PABPC4L: variants seen among roughly 807,000 people sequenced by gnomAD.
PABPC4L encodes the protein polyadenylate-binding protein 4-like.
For synonymous variants in PABPC4L, 169 were observed against 164.1 expected (o/e 1.03, Z -0.23); for missense variants, 452 against 451.4 (o/e 1.00, Z -0.01).
chr4:134,191,181 G>T, the PABPC4L span, among the ~76,000 whole-genome samples: 1 of 152,106 alleles, frequency 6.6e-6, no homozygotes, highest in African/African-American at 2.4e-5. Context: ...AAACTAACGT[G>T]TTCTGCAGTT....
the PABPC4L span, among the ~76,000 whole-genome samples, chr4:134,078,742 C>A: frequency 6.6e-6 from 1 of 151,616 alleles, no homozygotes; most frequent in Non-Finnish European, 1.5e-5. Flanking sequence ...ACCTCCACCT[C>A]CCCGTGTTCA....
the PABPC4L span, among the ~76,000 whole-genome samples, chr4:133,963,158 A>C: frequency 4.6e-5 from 7 of 152,124 alleles, no homozygotes; most frequent in Admixed American, 1.3e-4. Flanking sequence ...GCATTTCACG[A>C]AAATGGACAC....
chr4:134,003,289 T>G, the PABPC4L span, among the ~76,000 whole-genome samples: 1 of 151,956 alleles, frequency 6.6e-6, no homozygotes, highest in African/African-American at 2.4e-5. Flanking sequence ...CACTTACATT[T>G]TTTCCAACTC....
chr4:134,037,403 A>G, the PABPC4L span, among the ~76,000 whole-genome samples: 3 of 152,052 alleles, frequency 2.0e-5, no homozygotes, highest in Non-Finnish European at 4.4e-5. Context: ...TTTATTTTGT[A>G]TTTCTATTGT....
chr4:134,070,480 G>A, the PABPC4L span, among the ~76,000 whole-genome samples: 35 of 152,228 alleles, frequency 2.3e-4, 1 homozygote, highest in East Asian at 3.9e-4. Flanking sequence ...ATGGCACAGC[G>A]GGGCATGGGG....
the PABPC4L span, among the ~76,000 whole-genome samples, chr4:134,182,026 A>G: frequency 1.2e-4 from 18 of 151,364 alleles, no homozygotes; most frequent in Admixed American, 3.3e-4. Context: ...AAATTAAAAA[A>G]CTCCCAAAGC....
At chr4:134,195,401 G>A (rs1364201017), downstream of PABPC4L, among the ~76,000 whole-genome samples, 1 of 151,572 alleles carries the variant, frequency 6.6e-6, no homozygotes, top group African/African-American at 2.4e-5. Context: ...GATACTGATT[G>A]TAAAAACAAA....
rs2125709653 is a variant in PABPC4L, at chr4:134,200,158, G to A, written c.862C>T (p.Arg288Cys). 2 of 1,551,600 alleles carry A rather than the reference G, an allele frequency of 1.3e-6. No individual in the cohort carries two copies. The highest frequency in any genetic ancestry group is 8.7e-7 in the Non-Finnish European group (1 of 1,146,956). Residue 288 changes from arginine (R) to cysteine (C), a missense_variant, in exon 2 of 2, where the codon CGT becomes TGT. Transcript: ENST00000421491. ...MFEQLKRERI[R>C]GCQGVKLYIK... ...TAGAGTTTTACCCCCTGGCACCCAC[G>A]AATTCGTTCCCTTTTCAGCTGCTCA...
chr4:134,047,441 G>T, the PABPC4L span, among the ~76,000 whole-genome samples: 7 of 152,136 alleles, frequency 4.6e-5, no homozygotes, highest in Non-Finnish European at 1.0e-4. Flanking sequence ...GTTTACATCT[G>T]AAATAAAATT....
At chr4:134,056,953 C>T in the PABPC4L span, among the ~76,000 whole-genome samples, 1 of 152,116 alleles carries the variant, frequency 6.6e-6, no homozygotes, top group South Asian at 2.1e-4. Context: ...ATATTCTTGT[C>T]TTGTTCTCAA....
the PABPC4L span, among the ~76,000 whole-genome samples, chr4:134,018,790 T>C: frequency 6.6e-6 from 1 of 152,092 alleles, no homozygotes; most frequent in Non-Finnish European, 1.5e-5. Flanking sequence ...ATATAATTAA[T>C]TGATGATTAT....
At position 134,200,314 on chromosome 4, in the gene PABPC4L, T is replaced by C. The variant is rs1729812506; in HGVS notation, c.706A>G (p.Ser236Gly). 1.3e-6 allele frequency: 2 copies of C among 1,592,750 alleles called. No individual in the cohort carries two copies. Among genetic ancestry groups the C allele is most frequent in the East Asian group, 2.3e-5 (1 of 43,974 alleles). The change falls in exon 2 of 2, where the codon AGT (serine) becomes GGT (glycine). Residue 236 changes from serine to glycine, a missense_variant. Physicochemically the swap from Ser to Gly is moderately conservative, Grantham distance 56. Coordinates refer to ENST00000421491, the MANE Select transcript of PABPC4L (RefSeq NM_001114734.2). The part of the protein sequence containing the change: ...SGKSKGFGFV[S>G]FDSHEAAKKA... ...TTGGCAGCCTCATGGCTATCAAAAC[T>C]CACAAAGCCAAAGCCTTTGGATTTC...
At chr4:134,172,279 A>G in the PABPC4L span, among the ~76,000 whole-genome samples, 4 of 152,310 alleles carry the variant, frequency 2.6e-5, 1 homozygote, top group Admixed American at 2.6e-4. Context: ...CTACAAGCCT[A>G]TGGTAACCAA....
the PABPC4L span, among the ~76,000 whole-genome samples, chr4:133,962,978 G>C: frequency 1.7e-4 from 26 of 152,114 alleles, no homozygotes; most frequent in East Asian, 1.2e-3. Context: ...TGAATGGAAT[G>C]GTACCACACA....
the PABPC4L span, among the ~76,000 whole-genome samples, chr4:133,976,112 C>T: frequency 6.6e-6 from 1 of 152,112 alleles, no homozygotes; most frequent in Non-Finnish European, 1.5e-5. Flanking sequence ...TCCCCTGCCA[C>T]CTTCCCCCAA....
chr4:134,041,634 A>G, the PABPC4L span, among the ~76,000 whole-genome samples: 2 of 151,974 alleles, frequency 1.3e-5, no homozygotes, highest in African/African-American at 4.8e-5. Flanking sequence ...TGATGAGTGT[A>G]GCAAACCACC....
At chr4:134,090,822 A>G in the PABPC4L span, among the ~76,000 whole-genome samples, 1 of 152,052 alleles carries the variant, frequency 6.6e-6, no homozygotes, top group South Asian at 2.1e-4. Context: ...AATAGTGAAT[A>G]GTGATTAGAT....
chr4:133,968,566 G>A, the PABPC4L span, among the ~76,000 whole-genome samples: 1 of 152,050 alleles, frequency 6.6e-6, no homozygotes, highest in African/African-American at 2.4e-5. Context: ...ATCTTTGAAG[G>A]GGCTTAAAGT....
chr4:133,969,046 C>T, the PABPC4L span, among the ~76,000 whole-genome samples: 6 of 152,040 alleles, frequency 3.9e-5, no homozygotes, highest in Non-Finnish European at 7.4e-5. Flanking sequence ...GTTTGGGTCT[C>T]GGGTCTGAGA....
Sources: allele counts gnomAD v4.1 joint callset (sites outside exome capture counted in the v4.1 genomes callset), GRCh38; gene constraint gnomAD v4.1.1; transcripts MANE v1.5; gene names NCBI Gene and HGNC (gene_info 2026-07-23, HGNC 2026-07-21).